Variants in P4HA1 observed in about 807,000 individuals in gnomAD.
P4HA1 encodes the protein prolyl 4-hydroxylase subunit alpha 1.
Under a neutral mutation model 72.8 loss-of-function variants are expected in P4HA1, and 24 were observed. The ratio of observed to expected loss-of-function variants is 0.33; its 90% CI spans 0.24 to 0.46. P4HA1 has a LOEUF of 0.46. P4HA1 is among the 20% of genes least tolerant of loss of function. The pLI is 1.00. For synonymous variants in P4HA1, 201 were observed against 218.8 expected (o/e 0.92, Z 0.72); for missense variants, 446 against 640.6 (o/e 0.70, Z 3.28).
chr10:73,030,163 G>A, intron 10 of P4HA1, 108 bp downstream of exon 10: 1 of 469,648 alleles, frequency 2.1e-6, no homozygotes, highest in East Asian at 3.1e-5. Flanking sequence ...ACTTTTTAAG[G>A]TCCCAAACTA....
intron 7 of P4HA1, among the ~76,000 whole-genome samples, chr10:73,050,502 C>A (rs1840992813): frequency 6.6e-6 from 1 of 151,754 alleles, no homozygotes; most frequent in African/African-American, 2.4e-5. Flanking sequence ...GAGTTTGAGA[C>A]CAGCCTGGCC....
intron 8 of P4HA1, 97 bp downstream of exon 8, chr10:73,046,828 T>C: frequency 5.7e-6 from 5 of 882,120 alleles, no homozygotes; most frequent in Non-Finnish European, 8.8e-6. Flanking sequence ...AAAAAATCTG[T>C]GGCATTATTC....
At position 73,076,848 on chromosome 10, in the gene P4HA1, T is replaced by C. The variant is rs146504800; in HGVS notation, c.-32-1933A>G. The stretch of plus-strand genomic sequence containing the variant: ...TGCAGGCCCCTCTGACTCGTCTTCC[T>C]ATGTGACGTGAGCTAAACCAAAAGG... On this transcript the variant is annotated intron_variant, in intron 1 of 14. Coordinates refer to ENST00000394890, the MANE Select transcript of P4HA1 (RefSeq NM_001017962.3). Among the ~76,000 whole-genome samples, 81 of 152,322 alleles carry C rather than the reference T, an allele frequency of 5.3e-4. 1 individual carries two copies. The highest frequency in any genetic ancestry group is 1.7e-3 in the African/African-American group (70 of 41,578).
intron 10 of P4HA1, among the ~76,000 whole-genome samples, chr10:73,027,646 AG>A (rs1167141206): frequency 4.8e-5 from 2 of 41,332 alleles, no homozygotes; most frequent in Non-Finnish European, 8.4e-5. Context: ...AGGGAGGGGG[AG>A]GGGGGAGGGA....
chr10:73,052,623 A>G (rs1841046528), intron 6 of P4HA1, among the ~76,000 whole-genome samples: 2 of 152,214 alleles, frequency 1.3e-5, no homozygotes, highest in South Asian at 4.1e-4. Context: ...AAATAACCCA[A>G]TTATCCAAAG....
rs1182646222 is a variant in P4HA1 at position 73,007,303 on chromosome 10, T to G, written c.*919A>C. On this transcript the variant is annotated 3_prime_UTR_variant, in exon 15 of 15. Transcript: ENST00000394890. ...CTTAAAAAAACAAACATTTTGGCTT[T>G]CTAAGAAAAAGACTTTTAAAAAAAA... 1 of 152,618 alleles carries G rather than the reference T, an allele frequency of 6.6e-6. No homozygotes were observed. Among genetic ancestry groups the G allele is most frequent in the Non-Finnish European group, 1.5e-5 (1 of 68,030 alleles). The allele number at this position is 152,618 out of a possible 1,614,324, so 9.5% of individuals were successfully genotyped here.
At position 73,016,197 on chromosome 10, in the gene P4HA1, GGAT is replaced by G. The variant is rs546718470; in HGVS notation, c.1302+646_1302+648del. ...GGTTCTTCATCTTCCACTATCCCCT[GGAT>G]GATGATCACTCTTCCCTGACTTCAG... On this transcript the variant is annotated intron_variant, in intron 11 of 14. Transcript: ENST00000394890. Among the ~76,000 whole-genome samples, 3 of 152,044 alleles carry G rather than the reference GGAT, an allele frequency of 2.0e-5. No homozygotes were observed. The South Asian group carries it at 6.2e-4, about 32-fold the overall frequency.
intron 10 of P4HA1, among the ~76,000 whole-genome samples, chr10:73,025,118 C>A (rs1840234204): frequency 6.6e-6 from 1 of 152,192 alleles, no homozygotes; most frequent in South Asian, 2.1e-4. Flanking sequence ...AGGGAATCCT[C>A]CCTAACTCAT....
chr10:73,074,958 C>CA (rs1472037043), intron 1 of P4HA1, 43 bp from the exon 2 acceptor site: 1 of 705,882 alleles, frequency 1.4e-6, no homozygotes, highest in Non-Finnish European at 2.5e-6. Flanking sequence ...TTAAAAAATA[C>CA]AAAGAGAAGG....
chr10:73,056,501 G>A lies in P4HA1; in HGVS notation c.464-2911C>T, dbSNP rs377403070. 2.8e-4 allele frequency among the ~76,000 whole-genome samples: 42 copies of A among 152,032 alleles called. No individual in the cohort carries two copies. The East Asian group carries it at 5.8e-3, about 21-fold the overall frequency. ...ATAAAAATCAGCCAGGCATGGTGGC[G>A]GGTGCCTGTAATCCCAGCTACTCAG... is the stretch of plus-strand genomic sequence containing the variant. On this transcript the variant is annotated intron_variant, in intron 5 of 14. Transcript: ENST00000394890.
intron 9 of P4HA1, among the ~76,000 whole-genome samples, chr10:73,039,337 C>T (rs1340159639): frequency 1.3e-5 from 2 of 151,834 alleles, no homozygotes; most frequent in Admixed American, 1.3e-4. Context: ...TTTTGAGTCT[C>T]GCTCTGTTGC....
chr10:73,018,978 C>T (rs1840072524), intron 10 of P4HA1, among the ~76,000 whole-genome samples: 1 of 152,102 alleles, frequency 6.6e-6, no homozygotes, highest in African/African-American at 2.4e-5. Flanking sequence ...CATAGCCACT[C>T]CAAACGCTTG....
intron 1 of P4HA1, among the ~76,000 whole-genome samples, chr10:73,095,971 G>A (rs1047481355): frequency 6.6e-6 from 1 of 152,176 alleles, no homozygotes; most frequent in Non-Finnish European, 1.5e-5. Flanking sequence ...GGAATTTGTT[G>A]GACTGATGTG....
intron 5 of P4HA1, among the ~76,000 whole-genome samples, chr10:73,059,064 C>T (rs1361486812): frequency 6.6e-6 from 1 of 152,002 alleles, no homozygotes; most frequent in South Asian, 2.1e-4. Flanking sequence ...AGGTGTGAGC[C>T]ACCACGCCCA....
At position 73,078,278 on chromosome 10, in the gene P4HA1, GAA is replaced by G. The variant is rs1589624790; in HGVS notation, c.-32-3365_-32-3364del. ...ATTAGTAATTAATGACACAAAATAA[GAA>G]ACCATTTTTGCCCATCAAGTGAACA... On this transcript the variant is annotated intron_variant, in intron 1 of 14. Transcript: ENST00000394890. 2.6e-5 allele frequency among the ~76,000 whole-genome samples: 4 copies of G among 152,096 alleles called. No individual in the cohort carries two copies. The East Asian group carries it at 7.7e-4, about 29-fold the overall frequency.
intron 6 of P4HA1, among the ~76,000 whole-genome samples, chr10:73,052,841 CA>C (rs1841050694): frequency 6.6e-6 from 1 of 152,154 alleles, no homozygotes. Context: ...TCATTTCTAA[CA>C]AGTATCCAAG....
At chr10:73,075,051 G>A (rs1841665222) in intron 1 of P4HA1, 136 bp from the exon 2 acceptor site, 1 of 532,480 alleles carries the variant, frequency 1.9e-6, no homozygotes, top group East Asian at 3.2e-5. Context: ...ATTATCAATT[G>A]TTTAATAATA....
intron 1 of P4HA1, among the ~76,000 whole-genome samples, chr10:73,087,094 C>G (rs1841938673): frequency 6.6e-6 from 1 of 151,972 alleles, no homozygotes; most frequent in African/African-American, 2.4e-5. Flanking sequence ...ACTATTTGCC[C>G]TTCCAACAGC....
At chr10:73,013,286 C>T (rs1839946936) in intron 12 of P4HA1, among the ~76,000 whole-genome samples, 1 of 152,208 alleles carries the variant, frequency 6.6e-6, no homozygotes, top group South Asian at 2.1e-4. Context: ...TAACAGAATA[C>T]AGCAAAATTA....
Sources: gnomAD v4.1 joint callset for allele counts (sites outside exome capture counted in the v4.1 genomes callset) on GRCh38, gnomAD v4.1.1 for gene constraint, MANE v1.5 for transcripts, NCBI Gene and HGNC (gene_info 2026-07-23, HGNC 2026-07-21) for gene names.